The following PLCB1 variants were observed in gnomAD, a reference collection of about 807,000 sequenced individuals.
The protein encoded by PLCB1 is 1-phosphatidylinositol 4,5-bisphosphate phosphodiesterase beta-1.
Under a neutral mutation model 161.8 loss-of-function variants are expected in PLCB1, and 46 were observed. The observed-to-expected ratio is 0.28, with a 90% CI of 0.22 to 0.36. The LOEUF is 0.36. Among genes scored for constraint, PLCB1 ranks in the 10% least tolerant of loss-of-function variants. The pLI, the probability that PLCB1 is intolerant of heterozygous loss-of-function variation, is 1.00. For missense variants in PLCB1, 1,016 were observed against 1,472.5 expected (o/e 0.69, Z 5.07); for synonymous variants, 517 against 503.7 (o/e 1.03, Z -0.35).
At chr20:8,344,551 C>T (rs1985926484) in intron 2 of PLCB1, among the ~76,000 whole-genome samples, 1 of 152,228 alleles carries the variant, frequency 6.6e-6, no homozygotes, top group Admixed American at 6.5e-5. Flanking sequence ...GTGTTCCACC[C>T]TTTGTGGCTT....
At chr20:8,535,255 CTT>C (rs1985005312) in intron 3 of PLCB1, among the ~76,000 whole-genome samples, 1 of 130,856 alleles carries the variant, frequency 7.6e-6, no homozygotes, top group Non-Finnish European at 1.6e-5. Flanking sequence ...AGTATGATAT[CTT>C]CAGTGTAATA....
At chr20:8,180,581 G>A (rs2051830723) in intron 2 of PLCB1, among the ~76,000 whole-genome samples, 1 of 152,078 alleles carries the variant, frequency 6.6e-6, no homozygotes, top group African/African-American at 2.4e-5. Context: ...GTTGAATTTG[G>A]AAACAGAGAT....
intron 2 of PLCB1, among the ~76,000 whole-genome samples, chr20:8,274,859 G>T (rs1263326734): frequency 6.6e-6 from 1 of 152,164 alleles, no homozygotes; most frequent in East Asian, 1.9e-4. Context: ...AGTCTGAGGA[G>T]AACCTGTTCT....
At chr20:8,389,100 G>A (rs1987516766) in intron 3 of PLCB1, among the ~76,000 whole-genome samples, 1 of 151,962 alleles carries the variant, frequency 6.6e-6, no homozygotes, top group Admixed American at 6.6e-5. Flanking sequence ...TTTCTTTAAT[G>A]GCTAAAAGCT....
chr20:8,305,537 CCAGGTGCGGCTCCCTG>C (rs1984093217), intron 2 of PLCB1: 1 of 152,138 alleles, frequency 6.6e-6, no homozygotes, highest in South Asian at 2.1e-4. Flanking sequence ...GGGTCTGTAA[CCAGGTGCGGCTCCCTG>C]CAGGTGCCAA....
intron 3 of PLCB1, among the ~76,000 whole-genome samples, chr20:8,571,567 C>T (rs1470509359): frequency 2.0e-5 from 3 of 152,020 alleles, no homozygotes; most frequent in African/African-American, 7.3e-5. Context: ...GAAATTCAGG[C>T]CTGTACTTGT....
intron 1 of PLCB1, among the ~76,000 whole-genome samples, chr20:8,133,904 T>G (rs1489340463): frequency 6.6e-6 from 1 of 152,244 alleles, no homozygotes; most frequent in Non-Finnish European, 1.5e-5. Flanking sequence ...TTTAATCTTC[T>G]TAAGCCATTT....
chr20:8,874,224 G>GCACACA (rs1987699806), intron 31 of PLCB1, among the ~76,000 whole-genome samples: 3 of 89,886 alleles, frequency 3.3e-5, no homozygotes, highest in Admixed American at 1.0e-4. Context: ...ATATGTGTAT[G>GCACACA]TACACACACA....
chr20:8,790,033 C>T (rs1389702206), intron 30 of PLCB1, 142 bp from the exon 31 acceptor site: 1 of 620,968 alleles, frequency 1.6e-6, no homozygotes, highest in Non-Finnish European at 2.9e-6. Context: ...CTACAGTTTC[C>T]TATACTTGTA....
intron 3 of PLCB1, among the ~76,000 whole-genome samples, chr20:8,455,400 A>C (rs1224036863): frequency 6.9e-6 from 1 of 145,574 alleles, no homozygotes; most frequent in Admixed American, 6.9e-5. Flanking sequence ...AATGAGATAT[A>C]TATAACAATT....
intron 31 of PLCB1, among the ~76,000 whole-genome samples, chr20:8,836,386 C>G (rs1986283758): frequency 7.0e-6 from 1 of 143,376 alleles, no homozygotes; most frequent in African/African-American, 2.5e-5. Flanking sequence ...GTCTGATGGC[C>G]TGAGAATGAG....
At chr20:8,136,541 G>A (rs2051350668) in intron 1 of PLCB1, among the ~76,000 whole-genome samples, 1 of 151,858 alleles carries the variant, frequency 6.6e-6, no homozygotes, top group Non-Finnish European at 1.5e-5. Context: ...CAGGAGAATG[G>A]CGTGAACCTG....
At chr20:8,611,841 G>A (rs115361093) in intron 3 of PLCB1, among the ~76,000 whole-genome samples, 6,204 of 152,140 alleles carry the variant, frequency 0.041, 417 homozygotes, top group African/African-American at 0.14. Context: ...AGCTACTCGG[G>A]AGGCTGAGGC....
intron 3 of PLCB1, among the ~76,000 whole-genome samples, chr20:8,606,203 G>A (rs1055783455): frequency 5.3e-5 from 8 of 152,064 alleles, no homozygotes; most frequent in African/African-American, 7.2e-5. Flanking sequence ...TACATTTAAC[G>A]CTTTATTTGA....
chr20:8,318,679 C>T (rs972782513), intron 2 of PLCB1, among the ~76,000 whole-genome samples: 8 of 152,068 alleles, frequency 5.3e-5, no homozygotes, highest in African/African-American at 1.7e-4. Context: ...TATACCCACT[C>T]CTGTGTTTAT....
chr20:8,500,257 C>T (rs1053411880), intron 3 of PLCB1, among the ~76,000 whole-genome samples: 3 of 152,110 alleles, frequency 2.0e-5, no homozygotes, highest in Non-Finnish European at 4.4e-5. Context: ...ATAAGAGATA[C>T]CTTTAAATTA....
chr20:8,306,240 G>A (rs569987157), intron 2 of PLCB1: 26 of 152,284 alleles, frequency 1.7e-4, no homozygotes, highest in African/African-American at 5.8e-4. Context: ...AGCAAAAAAG[G>A]GTGGAAAGAG....
chr20:8,475,144 A>G (rs182730741), intron 3 of PLCB1, among the ~76,000 whole-genome samples: 141 of 152,326 alleles, frequency 9.3e-4, no homozygotes, highest in African/African-American at 3.1e-3. Flanking sequence ...AAAATGTTCA[A>G]TCATTAAGAT....
chr20:8,238,157 A>G (rs1197390375), intron 2 of PLCB1, among the ~76,000 whole-genome samples: 1 of 152,062 alleles, frequency 6.6e-6, no homozygotes, highest in Non-Finnish European at 1.5e-5. Context: ...ACTTCCTGGA[A>G]GGAGAAGTGG....
Sources: allele counts gnomAD v4.1 joint callset (sites outside exome capture counted in the v4.1 genomes callset), GRCh38; gene constraint gnomAD v4.1.1; transcripts MANE v1.5; gene names NCBI Gene and HGNC (gene_info 2026-07-23, HGNC 2026-07-21).